The following TTBK2 variants were observed in gnomAD, a reference collection of about 807,000 sequenced individuals.
TTBK2 encodes the protein tau-tubulin kinase 2.
TTBK2 carries 28 observed loss-of-function variants against 110.8 expected under a neutral mutation model. The observed-to-expected ratio is 0.25, with a 90% CI of 0.19 to 0.35. TTBK2 has a LOEUF of 0.35. Ranked by LOEUF, TTBK2 falls within the 10% of genes least tolerant of loss-of-function variation. TTBK2 has a pLI of 1.00. For missense variants in TTBK2, 1,369 were observed against 1,500.3 expected, an observed-to-expected ratio of 0.91 and a Z score of 1.45; for synonymous variants, 532 against 527.3, an observed-to-expected ratio of 1.01 and a Z score of -0.12.
intron 4 of TTBK2, among the ~76,000 whole-genome samples, chr15:42,836,061 T>C (rs1043158561): frequency 6.6e-6 from 1 of 152,130 alleles, no homozygotes; most frequent in Admixed American, 6.5e-5. Context: ...TCACAATATA[T>C]CACACTTTGG....
intron 13 of TTBK2, among the ~76,000 whole-genome samples, chr15:42,762,008 G>A (rs1437557999): frequency 6.6e-6 from 1 of 152,162 alleles, no homozygotes; most frequent in African/African-American, 2.4e-5. Flanking sequence ...GTTATTATAA[G>A]GGGGAGTTTT....
intron 1 of TTBK2, among the ~76,000 whole-genome samples, chr15:42,912,329 A>C (rs1367837267): frequency 2.6e-5 from 4 of 152,228 alleles, no homozygotes; most frequent in Non-Finnish European, 5.9e-5. Context: ...CTCTCAGGCT[A>C]AAGTAATAAA....
chr15:42,814,307 G>C (rs989243693), intron 7 of TTBK2, among the ~76,000 whole-genome samples: 10 of 152,280 alleles, frequency 6.6e-5, no homozygotes, highest in Admixed American at 5.2e-4. Flanking sequence ...GGCAAGGCAT[G>C]GTGGCTCATG....
chr15:42,839,202 G>A (rs936766174), intron 4 of TTBK2, among the ~76,000 whole-genome samples: 5 of 152,060 alleles, frequency 3.3e-5, no homozygotes, highest in Admixed American at 3.3e-4. Context: ...TGCAGTATTT[G>A]GTTTTCTATT....
At chr15:42,791,393 AG>A (rs1890675833) in intron 10 of TTBK2, among the ~76,000 whole-genome samples, 1 of 152,150 alleles carries the variant, frequency 6.6e-6, no homozygotes, top group African/African-American at 2.4e-5. Context: ...TTTCTTCTTC[AG>A]GGACTCCAAC....
chr15:42,762,178 C>G (rs762048223), intron 13 of TTBK2, among the ~76,000 whole-genome samples: 1 of 152,138 alleles, frequency 6.6e-6, no homozygotes, highest in African/African-American at 2.4e-5. Context: ...ATGTCTTTAT[C>G]AGCAGTATGA....
intron 1 of TTBK2, among the ~76,000 whole-genome samples, chr15:42,905,136 A>T (rs1384194006): frequency 6.6e-6 from 1 of 152,116 alleles, no homozygotes. Flanking sequence ...GGCCTCCTAA[A>T]GTGCTGGGAT....
intron 11 of TTBK2, among the ~76,000 whole-genome samples, chr15:42,778,599 C>T (rs916540700): frequency 1.3e-5 from 2 of 152,042 alleles, no homozygotes; most frequent in South Asian, 2.1e-4. Flanking sequence ...ACCCAGGAGA[C>T]GGAGGTTGCA....
rs549032382 is a variant in TTBK2, at chr15:42,817,104, C to A, written c.538-7G>T. 6.2e-7 allele frequency: 1 copy of A among 1,602,456 alleles called. No individual in the cohort carries two copies. Among genetic ancestry groups the A allele is most frequent in the African/African-American group, 1.3e-5 (1 of 74,596 alleles). ...AACCTGCCACAGCTCGAGGCTACAA[C>A]GAAGCCATGCAAAGAATAATAAATG... On this transcript the variant is annotated splice_polypyrimidine_tract_variant and splice_region_variant and intron_variant, in intron 6 of 14. Transcript: ENST00000267890.
chr15:42,855,468 G>A (rs973919779), intron 3 of TTBK2, among the ~76,000 whole-genome samples: 1 of 152,122 alleles, frequency 6.6e-6, no homozygotes, highest in Non-Finnish European at 1.5e-5. Context: ...AGAAAACAAG[G>A]ATGACATCAA....
chr15:42,822,326 G>T (rs963154219), intron 6 of TTBK2, among the ~76,000 whole-genome samples: 27 of 151,618 alleles, frequency 1.8e-4, no homozygotes, highest in Middle Eastern at 3.4e-3. Flanking sequence ...TTATCTATTT[G>T]AAATTTATAT....
In TTBK2 at chr15:42,834,195, A is replaced by AGG. The variant is rs1187116010; in HGVS notation, c.292-4118_292-4117insCC. On this transcript the variant is annotated intron_variant, in intron 4 of 14. Transcript: ENST00000267890. ...CAAGACCCCATCTCAAAAAAAAAAA[A>AGG]AGGGGGGGGGTGTATAAAAGGAAAG... 5.2e-3 allele frequency among the ~76,000 whole-genome samples: 622 copies of AGG among 119,180 alleles called. 17 individuals carry two copies. Among genetic ancestry groups the AGG allele is most frequent in the African/African-American group, 0.02 (496 of 24,826 alleles). 78.2% of individuals were successfully genotyped at this position (119,180 alleles called of 152,430 possible).
chr15:42,897,124 G>A lies in TTBK2; in HGVS notation c.-67-18440C>T, dbSNP rs933473037. Among the ~76,000 whole-genome samples the A allele has an allele frequency of 3.9e-5, 6 of 151,984 alleles. No individual in the cohort carries two copies. In the South Asian group the frequency reaches 6.2e-4, roughly 16 times the overall value. ...GAACTCTTGACCTCGTGATTCACCC[G>A]CCTCGGCCTCCCAAAGTGCTGGGAT... On this transcript the variant is annotated intron_variant, in intron 1 of 14. Transcript: ENST00000267890.
chr15:42,832,617 C>G (rs184480803), intron 4 of TTBK2, among the ~76,000 whole-genome samples: 21 of 152,174 alleles, frequency 1.4e-4, no homozygotes, highest in African/African-American at 5.1e-4. Context: ...CAGTTACCCA[C>G]AGTCAACCGT....
chr15:42,910,888 A>G (rs564646118), intron 1 of TTBK2, among the ~76,000 whole-genome samples: 14 of 152,128 alleles, frequency 9.2e-5, no homozygotes, highest in African/African-American at 3.4e-4. Context: ...TACCAAAAAT[A>G]TAAAAATTAG....
At chr15:42,914,909 T>C (rs1007029030) in intron 1 of TTBK2, among the ~76,000 whole-genome samples, 1 of 152,198 alleles carries the variant, frequency 6.6e-6, no homozygotes, top group African/African-American at 2.4e-5. Context: ...CCTGGAACAC[T>C]TGTAATTCCT....
intron 4 of TTBK2, among the ~76,000 whole-genome samples, chr15:42,831,475 T>C (rs1215647072): frequency 2.0e-5 from 3 of 152,200 alleles, no homozygotes; most frequent in Non-Finnish European, 4.4e-5. Context: ...TGTAGAAGTA[T>C]ATAAAAGCAA....
chr15:42,755,340 T>G lies in TTBK2; in HGVS notation c.1999-2093A>C, dbSNP rs181863775. Among the ~76,000 whole-genome samples, 81 of 152,244 alleles carry G rather than the reference T, an allele frequency of 5.3e-4. 1 individual carries two copies. Among genetic ancestry groups the G allele is most frequent in the Non-Finnish European group, 9.4e-4 (64 of 68,020 alleles). ...TGAATTTGGATTAGTCATAGGAGAT[T>G]TAGTTTAGAGTCGATCTCTAGTCCA... On this transcript the variant is annotated intron_variant, in intron 13 of 14. Transcript: ENST00000267890.
intron 9 of TTBK2, among the ~76,000 whole-genome samples, chr15:42,795,626 C>A (rs915772992): frequency 5.9e-5 from 9 of 152,004 alleles, no homozygotes; most frequent in Admixed American, 6.6e-5. Flanking sequence ...CTGATTTAGG[C>A]TTTAAAAATA....
Sources: gnomAD v4.1 joint callset for allele counts (sites outside exome capture counted in the v4.1 genomes callset) on GRCh38, gnomAD v4.1.1 for gene constraint, MANE v1.5 for transcripts, NCBI Gene and HGNC (gene_info 2026-07-23, HGNC 2026-07-21) for gene names.